Variants in MEGF10 observed in about 807,000 individuals in gnomAD.
MEGF10 encodes multiple epidermal growth factor-like domains protein 10.
Under a neutral mutation model 147.5 loss-of-function variants are expected in MEGF10, and 86 were observed. The observed-to-expected ratio is 0.58, with a 90% CI of 0.49 to 0.70. The LOEUF is 0.70. Ranked by LOEUF, MEGF10 falls within the 30% of genes least tolerant of loss-of-function variation. The probability of loss-of-function intolerance (pLI) is 0.00; values close to 1 mark genes in which losing one functional copy is unlikely to be tolerated. For missense variants in MEGF10, 1,329 were observed against 1,487.3 expected, an observed-to-expected ratio of 0.89 and a Z score of 1.75; for synonymous variants, 478 against 525.5, an observed-to-expected ratio of 0.91 and a Z score of 1.24.
At chr5:127,249,023 T>G in the MEGF10 span, among the ~76,000 whole-genome samples, 2 of 151,842 alleles carry the variant, frequency 1.3e-5, no homozygotes, top group African/African-American at 4.8e-5. Flanking sequence ...TAGGAAGGAA[T>G]GAAGATCATT....
intron 1 of MEGF10, among the ~76,000 whole-genome samples, chr5:127,327,019 A>G (rs566766622): frequency 6.6e-6 from 1 of 152,224 alleles, no homozygotes; most frequent in South Asian, 2.1e-4. Context: ...GCTTATCATC[A>G]GAACTAAGAC....
chr5:127,280,585 G>A, the MEGF10 span, among the ~76,000 whole-genome samples: 2 of 152,108 alleles, frequency 1.3e-5, no homozygotes, highest in Non-Finnish European at 2.9e-5. Context: ...GTTTGTATTT[G>A]AGAAACACTC....
the MEGF10 span, among the ~76,000 whole-genome samples, chr5:127,256,036 C>T: frequency 6.6e-6 from 1 of 152,188 alleles, no homozygotes; most frequent in African/African-American, 2.4e-5. Context: ...CCAGCTCAAA[C>T]CAACCACTGG....
In MEGF10 at chr5:127,299,620, G is replaced by A. The variant is rs185131212; in HGVS notation, c.-19+8564G>A. ...TTCCACAGGATTGTTCTTTTAGCCT[G>A]ATTACTCCCTTTATGAAAAAGTATG... On this transcript the variant is annotated intron_variant, in intron 1 of 24. Transcript: ENST00000503335. Among the ~76,000 whole-genome samples, 25 of 152,294 alleles carry A rather than the reference G, an allele frequency of 1.6e-4. No individual in the cohort carries two copies. The East Asian group carries it at 3.3e-3, about 20-fold the overall frequency.
chr5:127,404,871 A>G (rs1764268550), intron 8 of MEGF10, among the ~76,000 whole-genome samples: 1 of 151,958 alleles, frequency 6.6e-6, no homozygotes, highest in South Asian at 2.1e-4. Flanking sequence ...GCATGCTGCC[A>G]TATCAGGCTA....
the MEGF10 span, among the ~76,000 whole-genome samples, chr5:127,247,404 G>C: frequency 4.8e-4 from 29 of 60,406 alleles, no homozygotes; most frequent in South Asian, 2.4e-3. Flanking sequence ...AGAAGAAGAA[G>C]AAGAAGAAGA....
intron 8 of MEGF10, among the ~76,000 whole-genome samples, chr5:127,406,733 T>C (rs187761089): frequency 1.3e-5 from 2 of 152,100 alleles, no homozygotes; most frequent in African/African-American, 4.8e-5. Context: ...ATAAAAGGCT[T>C]TGGGGTTTGT....
Position 127,386,065 on chromosome 5 carries a change from G to A in MEGF10, c.413-10467G>A, listed in dbSNP as rs140226790. ...AGAGGTTACAGTGAGCTATGTTTGT[G>A]CCACTGCACTCCAGTCTAGGTAGCA... is the stretch of plus-strand genomic sequence containing the variant. On this transcript the variant is annotated intron_variant, in intron 5 of 24. Transcript: ENST00000503335. Among the ~76,000 whole-genome samples, 472 of 152,286 alleles carry A rather than the reference G, an allele frequency of 3.1e-3. 4 individuals carry two copies. The highest frequency in any genetic ancestry group is 0.011 in the African/African-American group (450 of 41,558).
the MEGF10 span, among the ~76,000 whole-genome samples, chr5:127,230,865 G>A: frequency 6.8e-6 from 1 of 147,064 alleles, no homozygotes; most frequent in African/African-American, 2.6e-5. Context: ...CAATAGAACT[G>A]TGGTATTTTA....
intron 4 of MEGF10, among the ~76,000 whole-genome samples, 196 bp from the exon 5 acceptor site, chr5:127,369,714 G>A (rs765044061): frequency 5.9e-5 from 9 of 152,156 alleles, no homozygotes; most frequent in African/African-American, 4.8e-5. Flanking sequence ...GATTTATTTG[G>A]TGATACCAAA....
chr5:127,355,084 C>T (rs1364595408), intron 4 of MEGF10, among the ~76,000 whole-genome samples: 1 of 152,124 alleles, frequency 6.6e-6, no homozygotes, highest in East Asian at 1.9e-4. Flanking sequence ...CTGAGAGGAG[C>T]TGCAGTGCAG....
chr5:127,260,177 G>GTAAA, the MEGF10 span, among the ~76,000 whole-genome samples: 1 of 151,394 alleles, frequency 6.6e-6, no homozygotes, highest in Admixed American at 6.6e-5. Flanking sequence ...AAATAAATAA[G>GTAAA]TAAATAAATA....
At position 127,420,181 on chromosome 5, in the gene MEGF10, G is replaced by A. The variant is rs140563851; in HGVS notation, c.1564G>A (p.Gly522Arg). 6,289 of 1,614,130 alleles carry A rather than the reference G, an allele frequency of 3.9e-3. 24 individuals are homozygous for A. The highest frequency in any genetic ancestry group is 5.0e-3 in the Non-Finnish European group (5,891 of 1,180,010). ...GTCTCAPGWR[G>R]EKCELPCQDG... ...CTGCACGTGTGCACCTGGATGGCGC[G>A]GGGAGAAATGCGAACTTCCCTGCCA... Residue 522 changes from glycine to arginine, a missense_variant, in exon 12 of 25, where the codon GGG becomes AGG. Gly to Arg is a moderately radical substitution (Grantham distance 125, BLOSUM62 -2). This residue lies in a region of MEGF10 where 980 missense variants were observed against 1,085.9 expected (regional missense o/e 0.90). Coordinates refer to ENST00000503335, the MANE Select transcript of MEGF10 (RefSeq NM_001256545.2).
At chr5:127,296,890 A>C (rs1759526274) in intron 1 of MEGF10, among the ~76,000 whole-genome samples, 1 of 152,194 alleles carries the variant, frequency 6.6e-6, no homozygotes, top group African/African-American at 2.4e-5. Context: ...AGAATTGATA[A>C]AAAATATGTG....
chr5:127,306,573 G>A (rs1439923011), intron 1 of MEGF10, among the ~76,000 whole-genome samples: 3 of 152,234 alleles, frequency 2.0e-5, no homozygotes, highest in African/African-American at 4.8e-5. Flanking sequence ...GGGCCTCACA[G>A]CTTGGCTCCA....
chr5:127,267,630 T>A, the MEGF10 span, among the ~76,000 whole-genome samples: 1 of 152,220 alleles, frequency 6.6e-6, no homozygotes, highest in Non-Finnish European at 1.5e-5. Context: ...GGGATTCAAG[T>A]TATTCCTGGT....
At chr5:127,422,347 C>A (rs963899560) in intron 12 of MEGF10, among the ~76,000 whole-genome samples, 1 of 151,908 alleles carries the variant, frequency 6.6e-6, no homozygotes, top group Non-Finnish European at 1.5e-5. Context: ...AAGGTGAAAC[C>A]CTGTCTCTAC....
At chr5:127,273,353 A>C in the MEGF10 span, among the ~76,000 whole-genome samples, 2 of 152,116 alleles carry the variant, frequency 1.3e-5, no homozygotes, top group Non-Finnish European at 2.9e-5. Flanking sequence ...TGCATGTCGA[A>C]AAAAAAACTC....
intron 1 of MEGF10, among the ~76,000 whole-genome samples, chr5:127,312,045 C>T (rs1465223917): frequency 6.6e-6 from 1 of 152,144 alleles, no homozygotes; most frequent in African/African-American, 2.4e-5. Flanking sequence ...TTAATGTGTG[C>T]AAGTAGGCAT....
Sources: gnomAD v4.1 joint callset for allele counts (sites outside exome capture counted in the v4.1 genomes callset) on GRCh38, gnomAD v4.1.1 for gene constraint, gnomAD v4.1.1 regional missense constraint, MANE v1.5 for transcripts, NCBI Gene and HGNC (gene_info 2026-07-23, HGNC 2026-07-21) for gene names.